Variants in TRIP12 observed in about 807,000 individuals in gnomAD.
TRIP12 encodes E3 ubiquitin-protein ligase TRIP12.
Under a neutral mutation model 244.2 loss-of-function variants are expected in TRIP12, and 25 were observed. The observed-to-expected ratio is 0.10, with a 90% CI of 0.07 to 0.14. The LOEUF is 0.14. Among genes scored for constraint, TRIP12 ranks in the 10% least tolerant of loss-of-function variants. TRIP12 has a pLI of 1.00. For missense variants in TRIP12, 1,677 were observed against 2,486.4 expected (o/e 0.67, Z 6.92); for synonymous variants, 905 against 873.1 (o/e 1.04, Z -0.64).
rs750126411 is a variant in TRIP12, at chr2:229,798,844, T to C, written c.3482+31A>G. 59 of 1,608,792 alleles carry C rather than the reference T, an allele frequency of 3.7e-5. 1 individual carries two copies. The South Asian group carries it at 4.4e-4, about 12-fold the overall frequency. On this transcript the variant is annotated intron_variant, in intron 23 of 41. Transcript: ENST00000675903. The stretch of plus-strand genomic sequence containing the variant: ...TGTTTAAGTTTTTCTGATATGGGAA[T>C]AGAAGAAACATAAAACTCCCCCCAC...
At chr2:229,807,953 A>C in intron 16 of TRIP12, 89 bp from the exon 17 acceptor site, 1 of 1,399,444 alleles carries the variant, frequency 7.1e-7, no homozygotes, top group Non-Finnish European at 9.6e-7. Flanking sequence ...CACACAAACC[A>C]AAAGTTGTAT....
chr2:229,789,890 A>G (rs2154257966), intron 30 of TRIP12, 128 bp from the exon 31 acceptor site: 3 of 991,404 alleles, frequency 3.0e-6, no homozygotes, highest in East Asian at 4.9e-5. Flanking sequence ...TCTTATTAGT[A>G]GGGTATTGAT....
chr2:229,799,412 T>G, intron 21 of TRIP12, 29 bp from the exon 22 acceptor site: 2 of 1,582,828 alleles, frequency 1.3e-6, no homozygotes, highest in Non-Finnish European at 1.7e-6. Flanking sequence ...GAGATAAGTT[T>G]AGCAATTACC....
chr2:229,808,694 A>C (rs138163905), intron 15 of TRIP12, among the ~76,000 whole-genome samples: 1 of 152,240 alleles, frequency 6.6e-6, no homozygotes, highest in Non-Finnish European at 1.5e-5. Context: ...ACAAAAATGC[A>C]TTCAACATAC....
chr2:229,805,248 A>ACAACAACAACAACAACAAC (rs11276140), intron 18 of TRIP12, among the ~76,000 whole-genome samples: 1 of 151,976 alleles, frequency 6.6e-6, no homozygotes, highest in Non-Finnish European at 1.5e-5. Flanking sequence ...AACAACAACA[A>ACAACAACAACAACAACAAC]AAATATTTGC....
chr2:229,790,372 A>G (rs1363847046), intron 30 of TRIP12, among the ~76,000 whole-genome samples: 3 of 152,230 alleles, frequency 2.0e-5, no homozygotes, highest in Non-Finnish European at 4.4e-5. Context: ...TTCATAATAG[A>G]AAACAGCATG....
At chr2:229,910,994 G>A (rs185764089) in intron 1 of TRIP12, among the ~76,000 whole-genome samples, 78 of 152,328 alleles carry the variant, frequency 5.1e-4, no homozygotes, top group African/African-American at 1.6e-3. Flanking sequence ...TGGGGTGGAA[G>A]GGTAGAGAGC....
intron 34 of TRIP12, among the ~76,000 whole-genome samples, chr2:229,780,551 G>T (rs1441731083): frequency 6.6e-6 from 1 of 152,036 alleles, no homozygotes; most frequent in Non-Finnish European, 1.5e-5. Flanking sequence ...TGACCCCTCT[G>T]CCCACCCTGC....
chr2:229,832,314 G>A (rs1271664366), intron 6 of TRIP12, among the ~76,000 whole-genome samples: 2 of 152,184 alleles, frequency 1.3e-5, no homozygotes, highest in African/African-American at 2.4e-5. Context: ...CCGCTTTCAC[G>A]CTATAATTAC....
At chr2:229,858,506 GATGCCGCGAGGA>G (rs1344200007) in intron 4 of TRIP12, among the ~76,000 whole-genome samples, 2 of 152,210 alleles carry the variant, frequency 1.3e-5, no homozygotes, top group Non-Finnish European at 2.9e-5. Context: ...TGAAGTAGGA[GATGCCGCGAGGA>G]CCAATAAAGA....
At chr2:229,849,809 G>C (rs73101666) in intron 4 of TRIP12, among the ~76,000 whole-genome samples, 1,733 of 152,194 alleles carry the variant, frequency 0.011, 31 homozygotes, top group African/African-American at 0.04. Flanking sequence ...TTGAGATCAA[G>C]GCTGCAGTAA....
intron 34 of TRIP12, among the ~76,000 whole-genome samples, chr2:229,781,592 C>G (rs2038187531): frequency 6.6e-6 from 1 of 152,194 alleles, no homozygotes; most frequent in Non-Finnish European, 1.5e-5. Context: ...GTCACTGGGT[C>G]ATTTGTAACC....
chr2:229,771,480 T>C (rs755174633), intron 39 of TRIP12, 39 bp downstream of exon 39: 2 of 1,547,436 alleles, frequency 1.3e-6, no homozygotes, highest in South Asian at 2.2e-5. Context: ...CCACTAAAAT[T>C]ATAGGTATGA....
chr2:229,814,822 G>A (rs866860357), intron 11 of TRIP12, among the ~76,000 whole-genome samples: 9 of 152,032 alleles, frequency 5.9e-5, no homozygotes, highest in Middle Eastern at 3.2e-3. Context: ...AACCTCACTG[G>A]CATGTTTTCT....
chr2:229,884,019 G>A (rs2065416416), intron 1 of TRIP12, among the ~76,000 whole-genome samples: 1 of 151,576 alleles, frequency 6.6e-6, no homozygotes, highest in Non-Finnish European at 1.5e-5. Context: ...GGTGAGGCAG[G>A]AGAATCGCTT....
chr2:229,886,012 T>A (rs932303483), intron 1 of TRIP12, among the ~76,000 whole-genome samples: 2 of 152,096 alleles, frequency 1.3e-5, no homozygotes, highest in Admixed American at 1.3e-4. Context: ...AGTACAATCT[T>A]AAAGAAAAAC....
Position 229,788,913 on chromosome 2 carries a change from T to C in TRIP12, c.4723A>G (p.Thr1575Ala). The C allele has an allele frequency of 2.5e-6, 4 of 1,613,318 alleles. No individual in the cohort carries two copies. The South Asian group carries it at 3.3e-5, about 13-fold the overall frequency. The change falls in exon 32 of 42, where the codon ACT becomes GCT. Residue 1575 changes from threonine to alanine, a missense_variant. This residue lies in a region of TRIP12 where 265 missense variants were observed against 370.8 expected (regional missense o/e 0.71). Transcript: ENST00000675903. Reference protein sequence around the residue: ...DNAMCKEIIPTSEFINSKLTA... With the variant: ...DNAMCKEIIPASEFINSKLTA... ...AACTTACTGTTAATAAATTCACTAG[T>C]TGGAATAATTTCCTTGCACATTGCA...
intron 4 of TRIP12, among the ~76,000 whole-genome samples, chr2:229,853,043 TC>T (rs1286690192): frequency 1.3e-5 from 2 of 152,208 alleles, no homozygotes; most frequent in Non-Finnish European, 2.9e-5. Context: ...TCATAAAGCA[TC>T]TTAAAAATAC....
intron 4 of TRIP12, among the ~76,000 whole-genome samples, chr2:229,855,621 AAAAGAG>A (rs2059473296): frequency 7.4e-6 from 1 of 134,522 alleles, no homozygotes; most frequent in Non-Finnish European, 1.6e-5. Flanking sequence ...AAAAAAAAAA[AAAAGAG>A]AAAAGAAAAT....
Sources: gnomAD v4.1 joint callset for allele counts (sites outside exome capture counted in the v4.1 genomes callset) on GRCh38, gnomAD v4.1.1 for gene constraint, gnomAD v4.1.1 regional missense constraint, MANE v1.5 for transcripts, NCBI Gene and HGNC (gene_info 2026-07-23, HGNC 2026-07-21) for gene names.